KDM5B: variants seen among roughly 807,000 people sequenced by gnomAD.
KDM5B encodes lysine demethylase 5B.
A neutral mutation model predicts 193.4 loss-of-function variants in KDM5B; 144 were observed. That is an observed-to-expected ratio of 0.74 (90% CI 0.65 to 0.86). The LOEUF (loss-of-function observed/expected upper bound fraction) is 0.86, where lower values mean the gene tolerates loss of function less well. Among genes scored for constraint, KDM5B ranks in the 40% least tolerant of loss-of-function variants. The pLI is 0.00. For missense variants in KDM5B, 1,833 were observed against 1,886.9 expected (o/e 0.97, Z 0.53); for synonymous variants, 668 against 682.6 (o/e 0.98, Z 0.33).
chr1:202,795,578 G>C (rs964261712), intron 1 of KDM5B, among the ~76,000 whole-genome samples: 3 of 151,698 alleles, frequency 2.0e-5, no homozygotes. Context: ...CTTGAACCCA[G>C]AGGCAGAGGT....
intron 7 of KDM5B, 37 bp from the exon 8 acceptor site, chr1:202,760,610 T>C: frequency 6.8e-7 from 1 of 1,466,564 alleles, no homozygotes. Context: ...CAAAGGAACA[T>C]GAGCTATTAT....
chr1:202,732,055 A>AC, intron 23 of KDM5B, 116 bp from the exon 24 acceptor site: 2 of 661,960 alleles, frequency 3.0e-6, no homozygotes, highest in Admixed American at 3.2e-5. Context: ...AAAAAAAAAA[A>AC]AACAACTTGA....
At chr1:202,746,107 T>A in intron 15 of KDM5B, 35 bp downstream of exon 15, 2 of 1,525,028 alleles carry the variant, frequency 1.3e-6, no homozygotes, top group Non-Finnish European at 1.8e-6. Flanking sequence ...GATCAACTGT[T>A]TTCCATAGGA....
intron 7 of KDM5B, among the ~76,000 whole-genome samples, chr1:202,761,217 T>G (rs1361237159): frequency 6.6e-6 from 1 of 152,112 alleles, no homozygotes; most frequent in Non-Finnish European, 1.5e-5. Flanking sequence ...CTGGCAGGAC[T>G]GCTTGAAGCC....
intron 1 of KDM5B, among the ~76,000 whole-genome samples, chr1:202,790,082 G>T (rs1444471269): frequency 6.6e-6 from 1 of 151,930 alleles, no homozygotes; most frequent in African/African-American, 2.4e-5. Context: ...TGACCAACAT[G>T]GAGAAACCCT....
Position 202,806,218 on chromosome 1 carries a change from T to C in KDM5B, c.204+1884A>G, listed in dbSNP as rs145728268. 2.2e-4 allele frequency among the ~76,000 whole-genome samples: 33 copies of C among 152,310 alleles called. No individual in the cohort carries two copies. In the East Asian group the frequency reaches 6.2e-3, roughly 28 times the overall value. On this transcript the variant is annotated intron_variant, in intron 1 of 26. Transcript: ENST00000367265. ...CAAGATAAAGGATTTACCCCAGCCC[T>C]GGTATACCACAATACCAACATGGAG... is the stretch of plus-strand genomic sequence containing the variant.
Position 202,803,535 on chromosome 1 carries a change from A to G in KDM5B, c.204+4567T>C, listed in dbSNP as rs189003101. On this transcript the variant is annotated intron_variant, in intron 1 of 26. Transcript: ENST00000367265. ...AGTTTGTTTTAGCTTTAAGGTAGAC[A>G]TTTGTGGCCTAGGTGCGGTGGCTCA... is the stretch of plus-strand genomic sequence containing the variant. 9.3e-4 allele frequency among the ~76,000 whole-genome samples: 141 copies of G among 152,232 alleles called. 1 individual carries two copies. The East Asian group carries it at 0.017, about 18-fold the overall frequency.
chr1:202,748,607 G>A (rs1178884565), intron 14 of KDM5B, among the ~76,000 whole-genome samples: 2 of 152,072 alleles, frequency 1.3e-5, no homozygotes, highest in Non-Finnish European at 2.9e-5. Flanking sequence ...GGTGGCTCAC[G>A]CCTGTAATCC....
chr1:202,742,918 A>C (rs1350162526), intron 16 of KDM5B, 113 bp from the exon 17 acceptor site: 9 of 812,304 alleles, frequency 1.1e-5, no homozygotes, highest in Non-Finnish European at 1.5e-5. Context: ...GTAACTTACA[A>C]ATGTTTGCAA....
chr1:202,802,652 C>A (rs373395910), intron 1 of KDM5B, among the ~76,000 whole-genome samples: 16 of 152,044 alleles, frequency 1.1e-4, no homozygotes, highest in African/African-American at 3.9e-4. Context: ...TTAGGCCTCC[C>A]AAAAGTGCTG....
At chr1:202,733,256 G>A (rs755260909) in intron 23 of KDM5B, 145 bp downstream of exon 23, 141 of 803,940 alleles carry the variant, frequency 1.8e-4, no homozygotes, top group Non-Finnish European at 2.5e-4. Context: ...GCATGGTCTT[G>A]AAGTGGGAAG....
chr1:202,750,922 GAA>G, intron 12 of KDM5B, 144 bp from the exon 13 acceptor site: 1 of 711,686 alleles, frequency 1.4e-6, no homozygotes, highest in Non-Finnish European at 2.3e-6. Context: ...TATTATAGTA[GAA>G]TATCACCTAG....
intron 25 of KDM5B, 84 bp from the exon 26 acceptor site, chr1:202,730,111 T>A: frequency 8.6e-7 from 1 of 1,162,426 alleles, no homozygotes; most frequent in South Asian, 1.7e-5. Context: ...ACATGTAAAT[T>A]AGAAATCAGA....
In KDM5B at chr1:202,753,076, A is replaced by G. The variant is rs751505771; in HGVS notation, c.1539-9T>C. 14 of 1,603,794 alleles carry G rather than the reference A, an allele frequency of 8.7e-6. No homozygotes were observed. The highest frequency in any genetic ancestry group is 1.3e-5 in the African/African-American group (1 of 74,284). On this transcript the variant is annotated splice_polypyrimidine_tract_variant and intron_variant, in intron 11 of 26. Coordinates refer to ENST00000367265, the MANE Select transcript of KDM5B (RefSeq NM_006618.5). ...AGGTTTTTGGCTCACCCCTGGAAAT[A>G]GATTATAAAAATAAATCAATCTGCA... is the stretch of plus-strand genomic sequence containing the variant.
chr1:202,808,008 T>G, intron 1 of KDM5B, 94 bp downstream of exon 1: 1 of 1,286,678 alleles, frequency 7.8e-7, no homozygotes, highest in Non-Finnish European at 1.0e-6. Flanking sequence ...GGCGACCGGC[T>G]CCCCGCCCCC....
chr1:202,751,158 G>A (rs1439376582), intron 12 of KDM5B, among the ~76,000 whole-genome samples: 1 of 151,948 alleles, frequency 6.6e-6, no homozygotes, highest in African/African-American at 2.4e-5. Flanking sequence ...ATAACATACA[G>A]AGGTCCTCCT....
intron 4 of KDM5B, among the ~76,000 whole-genome samples, chr1:202,769,332 G>A (rs1458485455): frequency 1.3e-5 from 2 of 150,038 alleles, no homozygotes; most frequent in African/African-American, 4.9e-5. Context: ...CACTGCGCCC[G>A]GCCGCCTGGC....
In KDM5B at chr1:202,733,643, T is replaced by C; in HGVS notation, c.3667A>G (p.Arg1223Gly). The C allele has an allele frequency of 6.2e-7, 1 of 1,614,110 alleles. No homozygotes were observed. The highest frequency in any genetic ancestry group is 1.1e-5 in the South Asian group (1 of 91,080). ...TTCTCTAATGGAGGTTTCTCTGACC[T>C]CCGACAATGGGGACAAAGCCAGATT... is the stretch of plus-strand genomic sequence containing the variant. Reference protein sequence around the residue: ...LRIWLCPHCRRSEKPPLEKIL... With the variant: ...LRIWLCPHCRGSEKPPLEKIL... Residue 1223 changes from arginine (R) to glycine (G), a missense_variant, in exon 23 of 27, where the codon AGG becomes GGG. By Grantham distance (125) the Arg-to-Gly change is moderately radical (BLOSUM62 -2). Coordinates refer to ENST00000367265, the MANE Select transcript of KDM5B (RefSeq NM_006618.5).
Position 202,727,095 on chromosome 1 carries a change from G to C in KDM5B, c.*1941C>G, listed in dbSNP as rs1025482186. ...ACCCACAGGTGAAGAAGAAAAACTAGTGGGGATGGGGGTAGGGGTTGTGCT... is the reference window on the plus strand; with the variant it reads ...ACCCACAGGTGAAGAAGAAAAACTACTGGGGATGGGGGTAGGGGTTGTGCT... On this transcript the variant is annotated 3_prime_UTR_variant, in exon 27 of 27. Coordinates refer to ENST00000367265, the MANE Select transcript of KDM5B (RefSeq NM_006618.5). The C allele has an allele frequency of 6.6e-6, 1 of 152,296 alleles. No individual in the cohort carries two copies. Among genetic ancestry groups the C allele is most frequent in the African/African-American group, 2.4e-5 (1 of 41,460 alleles). The allele number at this position is 152,296 out of a possible 1,614,324, so 9.4% of individuals were successfully genotyped here. A position where few individuals can be genotyped will look rare whatever the true frequency, so the allele number is the denominator to read the frequency against.
Sources: allele counts gnomAD v4.1 joint callset (sites outside exome capture counted in the v4.1 genomes callset), GRCh38; gene constraint gnomAD v4.1.1; transcripts MANE v1.5; gene names NCBI Gene and HGNC (gene_info 2026-07-23, HGNC 2026-07-21).